Variants in MBD5 observed in about 807,000 individuals in gnomAD.
The protein encoded by MBD5 is methyl-CpG binding domain protein 5.
MBD5 carries 13 observed loss-of-function variants against 117.3 expected under a neutral mutation model. That is an observed-to-expected ratio of 0.11 (90% CI 0.07 to 0.18). MBD5 has a LOEUF of 0.18. Ranked by LOEUF, MBD5 falls within the 10% of genes least tolerant of loss-of-function variation. MBD5 has a pLI of 1.00. For synonymous variants in MBD5, 727 were observed against 766.4 expected (o/e 0.95, Z 0.85); for missense variants, 1,879 against 2,093.8 (o/e 0.90, Z 2.00).
At chr2:148,250,367 C>G (rs1277835679) in intron 3 of MBD5, among the ~76,000 whole-genome samples, 2 of 152,142 alleles carry the variant, frequency 1.3e-5, no homozygotes, top group African/African-American at 4.8e-5. Context: ...TGGGTGACAG[C>G]AATAATCTGT....
chr2:148,123,670 AGAG>A (rs141137822), intron 1 of MBD5, among the ~76,000 whole-genome samples: 501 of 152,334 alleles, frequency 3.3e-3, no homozygotes, highest in East Asian at 8.3e-3. Context: ...TTCATACATG[AGAG>A]GTTAGGATTA....
At chr2:148,461,654 A>ATTT (rs1172299538) in intron 5 of MBD5, among the ~76,000 whole-genome samples, 1 of 152,244 alleles carries the variant, frequency 6.6e-6, no homozygotes, top group African/African-American at 2.4e-5. Context: ...ATATAATTTC[A>ATTT]AAGCATAATA....
intron 3 of MBD5, among the ~76,000 whole-genome samples, chr2:148,272,494 T>C (rs1701008594): frequency 6.6e-6 from 1 of 152,228 alleles, no homozygotes; most frequent in Non-Finnish European, 1.5e-5. Flanking sequence ...TGTGTAGTGA[T>C]ACTTCATTGC....
intron 3 of MBD5, among the ~76,000 whole-genome samples, chr2:148,299,101 AAGCTTT>A (rs1701721730): frequency 1.3e-5 from 2 of 151,790 alleles, no homozygotes. Flanking sequence ...AGCAGAAGGT[AAGCTTT>A]GCTCCATCCT....
chr2:148,274,726 T>TG (rs1553492808), intron 3 of MBD5, among the ~76,000 whole-genome samples: 1 of 34,456 alleles, frequency 2.9e-5, no homozygotes, highest in Non-Finnish European at 7.7e-5. Context: ...AGTTTTTTTG[T>TG]TTTTTTTTTT....
chr2:148,152,827 G>A (rs1225109044), intron 1 of MBD5, among the ~76,000 whole-genome samples: 4 of 151,912 alleles, frequency 2.6e-5, no homozygotes, highest in East Asian at 1.9e-4. Flanking sequence ...TTGAGCATAT[G>A]TGTGTCTCTG....
intron 2 of MBD5, among the ~76,000 whole-genome samples, chr2:148,191,874 G>GA (rs1315977840): frequency 9.0e-6 from 1 of 110,776 alleles, no homozygotes; most frequent in African/African-American, 3.6e-5. Context: ...GACTAATAAA[G>GA]AAAAAAAGAG....
intron 1 of MBD5, among the ~76,000 whole-genome samples, chr2:148,045,602 T>C (rs894369272): frequency 1.3e-5 from 2 of 152,188 alleles, no homozygotes; most frequent in African/African-American, 2.4e-5. Flanking sequence ...TTTAGTAACT[T>C]GCTCGAGGTT....
chr2:148,370,204 T>C (rs1703812426), intron 4 of MBD5, among the ~76,000 whole-genome samples: 1 of 152,214 alleles, frequency 6.6e-6, no homozygotes, highest in African/African-American at 2.4e-5. Context: ...TTTGTATTTT[T>C]AAAATGGGAC....
chr2:148,341,208 T>G (rs1427903723), intron 3 of MBD5, among the ~76,000 whole-genome samples: 1 of 152,020 alleles, frequency 6.6e-6, no homozygotes, highest in African/African-American at 2.4e-5. Context: ...GGGTGTTTAT[T>G]GAATGGCAGT....
chr2:148,039,078 C>T (rs1694283638), intron 1 of MBD5, among the ~76,000 whole-genome samples: 1 of 152,014 alleles, frequency 6.6e-6, no homozygotes, highest in Admixed American at 6.6e-5. Context: ...TAGCTGAGAG[C>T]TGAAAACAAG....
chr2:148,389,250 A>C (rs1167774471), intron 4 of MBD5, among the ~76,000 whole-genome samples: 538 of 29,146 alleles, frequency 0.018, 30 homozygotes, highest in African/African-American at 0.059. Flanking sequence ...GGAAAAAAAA[A>C]CATATATATA....
intron 2 of MBD5, chr2:148,196,226 T>G (rs1305784792): frequency 6.6e-6 from 1 of 152,206 alleles, no homozygotes; most frequent in Admixed American, 6.5e-5. Context: ...TGAGAAAGAA[T>G]GTATAGGAGG....
intron 2 of MBD5, among the ~76,000 whole-genome samples, chr2:148,197,966 C>G (rs1437286605): frequency 6.6e-6 from 1 of 151,720 alleles, no homozygotes; most frequent in Non-Finnish European, 1.5e-5. Flanking sequence ...AGGGACCCAC[C>G]ACCATGCCCA....
At chr2:148,225,977 C>T (rs1294767301) in intron 2 of MBD5, among the ~76,000 whole-genome samples, 1 of 152,012 alleles carries the variant, frequency 6.6e-6, no homozygotes, top group South Asian at 2.1e-4. Flanking sequence ...CTTGTACTCT[C>T]GATATTGATA....
At chr2:148,250,031 A>T (rs149174214) in intron 3 of MBD5, among the ~76,000 whole-genome samples, 1 of 152,132 alleles carries the variant, frequency 6.6e-6, no homozygotes, top group Non-Finnish European at 1.5e-5. Flanking sequence ...TTTTGGCTCT[A>T]CCTCTCATAA....
At chr2:148,031,581 G>T (rs549828542) in intron 1 of MBD5, among the ~76,000 whole-genome samples, 1 of 152,072 alleles carries the variant, frequency 6.6e-6, no homozygotes, top group African/African-American at 2.4e-5. Flanking sequence ...ATAATATACC[G>T]TACCTTTACT....
At chr2:148,449,992 G>A (rs930586433) in intron 4 of MBD5, among the ~76,000 whole-genome samples, 7 of 151,942 alleles carry the variant, frequency 4.6e-5, no homozygotes, top group Admixed American at 6.6e-5. Context: ...CTATTCCTAT[G>A]TCTATATAAA....
chr2:148,039,461 T>C (rs576396427), intron 1 of MBD5, among the ~76,000 whole-genome samples: 1 of 152,262 alleles, frequency 6.6e-6, no homozygotes, highest in Admixed American at 6.5e-5. Context: ...TGTACTTAAG[T>C]GTTTGTAAAG....
Sources: allele counts gnomAD v4.1 joint callset (sites outside exome capture counted in the v4.1 genomes callset), GRCh38; gene constraint gnomAD v4.1.1; transcripts MANE v1.5; gene names NCBI Gene and HGNC (gene_info 2026-07-23, HGNC 2026-07-21).